ASB12: variants seen among roughly 807,000 people sequenced by gnomAD.
ASB12 encodes ankyrin repeat and SOCS box containing 12.
In ASB12, 17 loss-of-function variants were observed where a neutral mutation model predicts 13.7. The observed-to-expected ratio is 1.24, with a 90% confidence interval of 0.85 to 1.86. The LOEUF (loss-of-function observed/expected upper bound fraction) is 1.86. ASB12 is among the 40% of genes most tolerant of loss of function. The probability of loss-of-function intolerance (pLI) is 0.00; values close to 1 mark genes in which losing one functional copy is unlikely to be tolerated. For missense variants in ASB12, 329 were observed against 250.5 expected (o/e 1.31, Z -2.11); for synonymous variants, 107 against 99.8 (o/e 1.07, Z -0.43).
At chrX:64,227,762 A>G (rs1930975528) in intron 1 of ASB12, among the ~76,000 whole-genome samples, 1 of 112,076 alleles carries the variant, frequency 8.9e-6, no homozygotes, top group Admixed American at 9.4e-5. Context: ...CACTACCACC[A>G]TGACTAAACT....
rs1206428783 is a variant in ASB12, at chrX:64,225,663, G to T, written c.-13C>A. The stretch of plus-strand genomic sequence containing the variant: ...GAACTATTCTCATTATGAGCACAAG[G>T]AAATGCCAGATCTGTGGGTGACAAA... On this transcript the variant is annotated 5_prime_UTR_variant, in exon 2 of 3. Coordinates refer to ENST00000362002, the MANE Select transcript of ASB12 (RefSeq NM_130388.4). The T allele has an allele frequency of 8.6e-7, 1 of 1,168,000 alleles. No individual in the cohort carries two copies. The highest frequency in any genetic ancestry group is 1.8e-5 in the African/African-American group (1 of 55,859).
intron 2 of ASB12, 99 bp downstream of exon 2, chrX:64,224,729 T>G: frequency 1.9e-6 from 2 of 1,026,982 alleles, no homozygotes; most frequent in Non-Finnish European, 2.5e-6. Context: ...GAAGATGGAG[T>G]TTTCTCCAGT....
Position 64,224,825 on chromosome X carries a change from C to T in ASB12, c.823+3G>A, listed in dbSNP as rs765775233. ...CTATGAGGCTGGCCTGTTCACCACT[C>T]ACCTCGGGCCTGTAGCAGCAATGCA... is the stretch of plus-strand genomic sequence containing the variant. On this transcript the variant is annotated splice_donor_region_variant and intron_variant, in intron 2 of 2. Coordinates refer to ENST00000362002, the MANE Select transcript of ASB12 (RefSeq NM_130388.4). 6.0e-6 allele frequency: 7 copies of T among 1,173,362 alleles called. No homozygotes were observed. In the Admixed American group the frequency reaches 1.6e-4, roughly 27 times the overall value.
rs138334430 is a variant in ASB12, at chrX:64,225,225, G to A, written c.426C>T (p.Pro142=). The A allele has an allele frequency of 8.2e-5, 99 of 1,209,726 alleles. No homozygotes were observed. The African/African-American group carries it at 1.3e-3, about 16-fold the overall frequency. Residue 142 remains proline (P), a synonymous_variant, in exon 2 of 3, where the codon CCC becomes CCT. Coordinates refer to ENST00000362002, the MANE Select transcript of ASB12 (RefSeq NM_130388.4). ...PGGSIYNNCS[P]VLTAARDGAV... ...CACCATCACGGGCAGCTGTGAGCAC[G>A]GGAGAACAGTTGTTGTAGATGCTAC...
intron 1 of ASB12, among the ~76,000 whole-genome samples, chrX:64,227,256 A>G (rs1442440334): frequency 1.8e-5 from 2 of 111,458 alleles, no homozygotes; most frequent in Non-Finnish European, 3.8e-5. Context: ...ATAAACTTCT[A>G]TGGTCCTTTG....
chrX:64,229,297 G>A (rs780445752), intron 1 of ASB12, among the ~76,000 whole-genome samples: 1 of 112,000 alleles, frequency 8.9e-6, no homozygotes, highest in Non-Finnish European at 1.9e-5. Flanking sequence ...TTCATACCAA[G>A]AGCCCACAGC....
intron 2 of ASB12, 33 bp downstream of exon 2, chrX:64,224,795 G>A (rs1306763354): frequency 2.6e-6 from 3 of 1,152,287 alleles, no homozygotes; most frequent in Non-Finnish European, 3.5e-6. Context: ...TCCAAGCCAG[G>A]TGGCCTATGA....
intron 1 of ASB12, among the ~76,000 whole-genome samples, chrX:64,227,291 C>T (rs753959593): frequency 1.4e-4 from 16 of 111,537 alleles, no homozygotes; most frequent in African/African-American, 2.6e-4. Context: ...TCTTTCTCTT[C>T]GTCTCTCCCT....
chrX:64,226,698 C>G, intron 1 of ASB12: 3 of 753,296 alleles, frequency 4.0e-6, no homozygotes, highest in Non-Finnish European at 4.7e-6. Context: ...TGACTCAACC[C>G]AACCTCTGAC....
chrX:64,230,166 C>A (rs1931028374), intron 1 of ASB12, among the ~76,000 whole-genome samples: 1 of 111,457 alleles, frequency 9.0e-6, no homozygotes, highest in Non-Finnish European at 1.9e-5. Flanking sequence ...GACACAAAGA[C>A]AAATCTCCAC....
At position 64,225,485 on chromosome X, in the gene ASB12, G is replaced by A. The variant is rs766798175; in HGVS notation, c.166C>T (p.Arg56Cys). Residue 56 changes from arginine to cysteine, a missense_variant, in exon 2 of 3, where the codon CGC (arginine) becomes TGC (cysteine). Coordinates refer to ENST00000362002, the MANE Select transcript of ASB12 (RefSeq NM_130388.4). ...ATGAAACGTTTGTAACGCTCCTGGC[G>A]CAAAAGCTGGTCCAAAGTATAGGAG... ...NDSYTLDQLL[R>C]QERYKRFINS... 3.8e-5 allele frequency: 46 copies of A among 1,208,951 alleles called. No individual in the cohort carries two copies. Among genetic ancestry groups the A allele is most frequent in the African/African-American group, 7.0e-5 (4 of 57,155 alleles).
chrX:64,224,572 C>G (rs954732518), intron 2 of ASB12, 104 bp from the exon 3 acceptor site: 6 of 963,415 alleles, frequency 6.2e-6, no homozygotes, highest in East Asian at 6.8e-5. Flanking sequence ...AATGCTCTAT[C>G]CTTTCCAAGA....
chrX:64,224,802 A>G (rs1334309506), intron 2 of ASB12, 26 bp downstream of exon 2: 2 of 1,156,438 alleles, frequency 1.7e-6, no homozygotes, highest in Admixed American at 5.1e-5. Flanking sequence ...CAGGTGGCCT[A>G]TGAGGCTGGC....
chrX:64,225,738 C>T, intron 1 of ASB12, 64 bp from the exon 2 acceptor site: 7 of 1,064,181 alleles, frequency 6.6e-6, no homozygotes, highest in African/African-American at 5.6e-5. Context: ...CATGCACGCT[C>T]CTTGAAATCT....
chrX:64,229,590 G>T (rs911448248), intron 1 of ASB12, among the ~76,000 whole-genome samples: 4 of 111,982 alleles, frequency 3.6e-5, no homozygotes, highest in East Asian at 5.5e-4. Context: ...TTTCAGAATG[G>T]TTTTTGCTAC....
At position 64,225,556 on chromosome X, in the gene ASB12, T is replaced by C. The variant is rs1930932181; in HGVS notation, c.95A>G (p.Asp32Gly). Residue 32 changes from aspartate to glycine, a missense_variant, in exon 2 of 3, where the codon GAC becomes GGC. By Grantham distance (94) the Asp-to-Gly change is moderately conservative. Coordinates refer to ENST00000362002, the MANE Select transcript of ASB12 (RefSeq NM_130388.4). ...LQPDKEEEDT[D>G]TEEKQALNQA... ...ATTGAGAGCCTGCTTCTCCTCTGTG[T>C]CAGTGTCCTCCTCCTCCTTGTCGGG... The C allele has an allele frequency of 5.8e-6, 7 of 1,208,592 alleles. No homozygotes were observed. Among genetic ancestry groups the C allele is most frequent in the Non-Finnish European group, 6.7e-6 (6 of 893,870 alleles).
At chrX:64,226,831 A>G (rs981327914) in intron 1 of ASB12, 1 of 583,717 alleles carries the variant, frequency 1.7e-6, no homozygotes, top group Non-Finnish European at 2.1e-6. Flanking sequence ...AGGTCTCAGG[A>G]CCTCATATCT....
intron 1 of ASB12, chrX:64,226,617 C>G (rs1470670440): frequency 1.8e-6 from 1 of 549,043 alleles, no homozygotes; most frequent in Admixed American, 9.0e-5. Flanking sequence ...CAGGCTAGAG[C>G]CTTTGACTCA....
At chrX:64,225,785 C>T (rs1419867142) in intron 1 of ASB12, 111 bp from the exon 2 acceptor site, 6 of 876,990 alleles carry the variant, frequency 6.8e-6, no homozygotes, top group Admixed American at 3.6e-5. Context: ...ATTCATGGGT[C>T]TCCTACTTCT....
Sources: gnomAD v4.1 joint callset for allele counts (sites outside exome capture counted in the v4.1 genomes callset) on GRCh38, gnomAD v4.1.1 for gene constraint, MANE v1.5 for transcripts, NCBI Gene and HGNC (gene_info 2026-07-23, HGNC 2026-07-21) for gene names.